The following PALMD variants were observed in gnomAD, a reference collection of about 807,000 sequenced individuals.
The protein encoded by PALMD is palmdelphin.
A neutral mutation model predicts 56.2 loss-of-function variants in PALMD; 42 were observed. That is an observed-to-expected ratio of 0.75 (90% CI 0.58 to 0.97). The LOEUF (loss-of-function observed/expected upper bound fraction) is 0.97. Ranked by LOEUF, PALMD falls within the 50% of genes least tolerant of loss-of-function variation. PALMD has a pLI of 0.00. For synonymous variants in PALMD, 242 were observed against 222.9 expected, an observed-to-expected ratio of 1.09 and a Z score of -0.76; for missense variants, 660 against 643.8, an observed-to-expected ratio of 1.03 and a Z score of -0.27.
Position 99,688,893 on chromosome 1 carries a change from T to A in PALMD, c.633T>A (p.Asp211Glu). 1 of 1,613,806 alleles carries A rather than the reference T, an allele frequency of 6.2e-7. No homozygotes were observed. Among genetic ancestry groups the A allele is most frequent in the Non-Finnish European group, 8.5e-7 (1 of 1,179,740 alleles). ...AAGGTACAGGAATAAAAGTTTATGATGATGGGCAAAAGTCAGTGTATGCAG... is the reference window on the plus strand; with the variant it reads ...AAGGTACAGGAATAAAAGTTTATGAAGATGGGCAAAAGTCAGTGTATGCAG... ...DFKGTGIKVY[D>E]DGQKSVYAVS... The change falls in exon 7 of 8, where the codon GAT becomes GAA. Residue 211 changes from aspartate to glutamate, a missense_variant. Transcript: ENST00000263174.
chr1:99,662,416 A>T lies in PALMD; in HGVS notation c.126+17A>T. The T allele has an allele frequency of 7.6e-7, 1 of 1,323,386 alleles. No homozygotes were observed. Among genetic ancestry groups the T allele is most frequent in the Non-Finnish European group, 1.1e-6 (1 of 932,044 alleles). The allele number at this position is 1,323,386 out of a possible 1,614,324, so 82.0% of individuals were successfully genotyped here. Reference sequence around the variant, plus strand: ...CATTTGAAGGTAATTTATGGCTTTAATTTCATTTCAATGATTTTGTATTCA... The same window carrying T: ...CATTTGAAGGTAATTTATGGCTTTATTTTCATTTCAATGATTTTGTATTCA... On this transcript the variant is annotated intron_variant, in intron 2 of 7. Coordinates refer to ENST00000263174, the MANE Select transcript of PALMD (RefSeq NM_017734.5).
intron 6 of PALMD, 53 bp downstream of exon 6, chr1:99,687,242 T>C: frequency 6.5e-7 from 1 of 1,535,006 alleles, no homozygotes; most frequent in South Asian, 1.3e-5. Flanking sequence ...GATTTTACAG[T>C]GTCAAATATT....
intron 2 of PALMD, among the ~76,000 whole-genome samples, chr1:99,663,595 C>T (rs1652901204): frequency 2.0e-5 from 3 of 152,084 alleles, no homozygotes; most frequent in Admixed American, 1.3e-4. Context: ...ACAATTTACA[C>T]ACACACAATC....
chr1:99,681,751 A>G (rs1571072270), intron 3 of PALMD, among the ~76,000 whole-genome samples: 1 of 152,176 alleles, frequency 6.6e-6, no homozygotes, highest in South Asian at 2.1e-4. Flanking sequence ...GCCTCTACCC[A>G]CTAGATGTCA....
intron 1 of PALMD, among the ~76,000 whole-genome samples, chr1:99,656,402 C>G (rs1183181085): frequency 6.6e-6 from 1 of 152,150 alleles, no homozygotes; most frequent in Non-Finnish European, 1.5e-5. Context: ...TTGCACACCA[C>G]CAACTCTGCA....
intron 1 of PALMD, among the ~76,000 whole-genome samples, chr1:99,652,889 C>G (rs1652629166): frequency 6.6e-6 from 1 of 152,138 alleles, no homozygotes; most frequent in Admixed American, 6.6e-5. Flanking sequence ...TTCCCACCTT[C>G]CCCAGTTTGC....
At chr1:99,661,326 T>C (rs1652842596) in intron 1 of PALMD, among the ~76,000 whole-genome samples, 1 of 152,204 alleles carries the variant, frequency 6.6e-6, no homozygotes, top group South Asian at 2.1e-4. Flanking sequence ...TTCCAGGGAA[T>C]CTCTAAAACA....
chr1:99,666,487 C>A (rs553010538), intron 2 of PALMD, among the ~76,000 whole-genome samples: 1 of 151,590 alleles, frequency 6.6e-6, no homozygotes, highest in Non-Finnish European at 1.5e-5. Flanking sequence ...ATTCTAGCAT[C>A]CTTAAAAAAA....
chr1:99,669,254 A>T (rs966762775), intron 3 of PALMD: 5 of 152,210 alleles, frequency 3.3e-5, no homozygotes, highest in Admixed American at 1.3e-4. Context: ...TGAAATTAAC[A>T]ATTCTTAAAA....
Position 99,687,073 on chromosome 1 carries a change from C to A in PALMD, c.401-3C>A, listed in dbSNP as rs781195454. ...GTATTTTGAATTCATATTAATTTTA[C>A]AGAGTCAATTGAGGACATCTATGCT... On this transcript the variant is annotated splice_region_variant and splice_polypyrimidine_tract_variant and intron_variant, in intron 5 of 7. Transcript: ENST00000263174. The A allele has an allele frequency of 3.2e-6, 5 of 1,577,158 alleles. No homozygotes were observed. The highest frequency in any genetic ancestry group is 1.4e-5 in the African/African-American group (1 of 73,592).
At chr1:99,656,116 G>C (rs1652720321) in intron 1 of PALMD, among the ~76,000 whole-genome samples, 1 of 152,070 alleles carries the variant, frequency 6.6e-6, no homozygotes, top group Non-Finnish European at 1.5e-5. Context: ...GATAGCAAAT[G>C]ATTTGGTTTT....
intron 1 of PALMD, among the ~76,000 whole-genome samples, chr1:99,650,533 T>C (rs11808383): frequency 0.02 from 3,066 of 152,244 alleles, 97 homozygotes; most frequent in African/African-American, 0.07. Flanking sequence ...GTTACAAGTG[T>C]CTCTGGGCAC....
At chr1:99,675,511 C>T (rs982447123) in intron 3 of PALMD, among the ~76,000 whole-genome samples, 10 of 152,090 alleles carry the variant, frequency 6.6e-5, no homozygotes, top group Non-Finnish European at 7.4e-5. Flanking sequence ...GGGTACAAGT[C>T]AAATTATTAC....
At chr1:99,671,229 C>T (rs200366449) in intron 3 of PALMD, among the ~76,000 whole-genome samples, 11 of 152,178 alleles carry the variant, frequency 7.2e-5, no homozygotes, top group East Asian at 3.8e-4. Context: ...TTGCTATTAC[C>T]GTGGAGTCCA....
In PALMD at chr1:99,646,371, GCATACAGTTATAACT is replaced by G. The variant is rs1392560487; in HGVS notation, c.45+13_45+27del. 1.2e-6 allele frequency: 2 copies of G among 1,605,430 alleles called. No individual in the cohort carries two copies. The highest frequency in any genetic ancestry group is 2.7e-5 in the African/African-American group (2 of 74,872). ...GACTCCAGGCCATCACAGTAAGTCT[GCATACAGTTATAACT>G]CATTAACGTTGTTACTTAGAGGAAG... On this transcript the variant is annotated intron_variant, in intron 1 of 7. Transcript: ENST00000263174.
At chr1:99,675,197 T>TA (rs1181190633) in intron 3 of PALMD, among the ~76,000 whole-genome samples, 7 of 152,170 alleles carry the variant, frequency 4.6e-5, no homozygotes, top group Non-Finnish European at 7.4e-5. Flanking sequence ...ATGAAGTAGA[T>TA]AAAAAATAGA....
chr1:99,683,468 T>A (rs1315356824), intron 3 of PALMD: 1 of 152,242 alleles, frequency 6.6e-6, no homozygotes, highest in African/African-American at 2.4e-5. Context: ...ATGTTTCCAA[T>A]TATTCAGGTC....
intron 3 of PALMD, 81 bp from the exon 4 acceptor site, chr1:99,686,595 T>C: frequency 2.9e-6 from 2 of 686,750 alleles, no homozygotes; most frequent in Non-Finnish European, 5.0e-6. Context: ...CCAAGGAAAC[T>C]TTATATATGG....
At chr1:99,650,625 C>T (rs778308268) in intron 1 of PALMD, among the ~76,000 whole-genome samples, 1 of 152,134 alleles carries the variant, frequency 6.6e-6, no homozygotes, top group African/African-American at 2.4e-5. Context: ...AAAAGCAAGA[C>T]CTGCTGTGTG....
Sources: gnomAD v4.1 joint callset for allele counts (sites outside exome capture counted in the v4.1 genomes callset) on GRCh38, gnomAD v4.1.1 for gene constraint, MANE v1.5 for transcripts, NCBI Gene and HGNC (gene_info 2026-07-23, HGNC 2026-07-21) for gene names.